The following NXF2 variants were observed in gnomAD, a reference collection of about 807,000 sequenced individuals.
NXF2 encodes the protein TAP-like protein 2.
Position 102,298,670 on chromosome X carries a change from G to A in NXF2, c.-53-8356G>A, listed in dbSNP as rs1934007291. Among the ~76,000 whole-genome samples, 4 of 111,764 alleles carry A rather than the reference G, an allele frequency of 3.6e-5. No individual in the cohort carries two copies. In the Admixed American group the frequency reaches 3.8e-4, roughly 11 times the overall value. ...GACTGATGATTAAATAAAGAGGGTGGTGGAGGAGGAGCGTTTGGCACTCAG... is the reference window on the plus strand; with the variant it reads ...GACTGATGATTAAATAAAGAGGGTGATGGAGGAGGAGCGTTTGGCACTCAG... On this transcript the variant is annotated intron_variant, in intron 2 of 22. Transcript: ENST00000625106.
At chrX:102,274,503 TTCTTCTTCTTCTTCTTCTTCC>T (rs1933886602) in intron 2 of NXF2, among the ~76,000 whole-genome samples, 5 of 3,194 alleles carry the variant, frequency 1.6e-3, no homozygotes, top group African/African-American at 2.4e-3. Flanking sequence ...CTTCTTCTTC[TTCTTCTTCTTCTTCTTCTTCC>T]TCTTCCTCTT....
intron 2 of NXF2, among the ~76,000 whole-genome samples, chrX:102,293,549 ATATATAT>A (rs1933978743): frequency 3.3e-5 from 1 of 30,657 alleles, no homozygotes; most frequent in Non-Finnish European, 6.4e-5. Context: ...ATATATATAT[ATATATAT>A]ATATATATAT....
At chrX:102,282,599 T>G (rs1212089657) in intron 2 of NXF2, among the ~76,000 whole-genome samples, 9 of 87,424 alleles carry the variant, frequency 1.0e-4, no homozygotes, top group Non-Finnish European at 2.0e-4. Flanking sequence ...GATGTTGAAT[T>G]TCGTTGAAAA....
intron 2 of NXF2, among the ~76,000 whole-genome samples, chrX:102,251,965 A>ATGTTTTGTTTTGTTTTGTTT (rs1233142733): frequency 9.9e-4 from 112 of 113,617 alleles, no homozygotes; most frequent in South Asian, 5.5e-3. Flanking sequence ...GGGTTCTGCC[A>ATGTTTTGTTTTGTTTTGTTT]TGTTTTGTTT....
intron 2 of NXF2, among the ~76,000 whole-genome samples, chrX:102,251,787 G>A (rs1259467822): frequency 1.3e-5 from 1 of 77,233 alleles, no homozygotes; most frequent in South Asian, 8.5e-4. Flanking sequence ...AGTTGTCTGC[G>A]ATATGTGCTG....
chrX:102,252,107 C>T (rs1933827571), intron 2 of NXF2, among the ~76,000 whole-genome samples: 1 of 83,426 alleles, frequency 1.2e-5, no homozygotes, highest in Admixed American at 1.4e-4. Flanking sequence ...ATTCTCCTGT[C>T]TCAGCCTCTC....
intron 2 of NXF2, among the ~76,000 whole-genome samples, chrX:102,251,954 G>A (rs1259562776): frequency 9.3e-6 from 1 of 106,952 alleles, no homozygotes; most frequent in Non-Finnish European, 1.9e-5. Context: ...TCCCTACAGT[G>A]GGGTTCTGCC....
intron 2 of NXF2, among the ~76,000 whole-genome samples, chrX:102,288,944 C>T (rs1184856409): frequency 6.2e-3 from 143 of 22,943 alleles, no homozygotes; most frequent in African/African-American, 0.031. Context: ...TAATTAGTGA[C>T]GGTGAGCATT....
At chrX:102,252,230 C>T (rs1433300202) in intron 2 of NXF2, among the ~76,000 whole-genome samples, 44 of 68,175 alleles carry the variant, frequency 6.5e-4, no homozygotes, top group Non-Finnish European at 1.1e-3. Context: ...GGACCTCAGG[C>T]GATCCACCCG....
chrX:102,248,741 G>A (rs1355432691), intron 2 of NXF2, among the ~76,000 whole-genome samples, 183 bp downstream of exon 2: 10 of 41,343 alleles, frequency 2.4e-4, no homozygotes, highest in Admixed American at 2.3e-3. Flanking sequence ...CTGGACAGAC[G>A]GAATCCACAG....
At chrX:102,282,274 T>TG (rs1187844817) in intron 2 of NXF2, among the ~76,000 whole-genome samples, 2 of 112,037 alleles carry the variant, frequency 1.8e-5, no homozygotes, top group Admixed American at 1.9e-4. Flanking sequence ...CTCCCTCTGT[T>TG]GGGGGGGCAT....
intron 2 of NXF2, among the ~76,000 whole-genome samples, chrX:102,294,139 A>G (rs1393686055): frequency 1.0e-5 from 1 of 98,279 alleles, no homozygotes; most frequent in Non-Finnish European, 2.0e-5. Context: ...ATGTATACAT[A>G]TGTAACAAAC....
At chrX:102,289,089 T>C (rs1933952953) in intron 2 of NXF2, among the ~76,000 whole-genome samples, 1 of 18,156 alleles carries the variant, frequency 5.5e-5, no homozygotes, top group Non-Finnish European at 8.9e-5. Flanking sequence ...TTTTATTGAG[T>C]TTCTTGTAGA....
intron 2 of NXF2, among the ~76,000 whole-genome samples, chrX:102,298,666 G>C (rs1387892628): frequency 1.8e-5 from 2 of 110,975 alleles, no homozygotes; most frequent in African/African-American, 6.5e-5. Flanking sequence ...AAATAAAGAG[G>C]GTGGTGGAGG....
At chrX:102,298,579 G>A (rs1245826761) in intron 2 of NXF2, among the ~76,000 whole-genome samples, 3 of 87,120 alleles carry the variant, frequency 3.4e-5, no homozygotes, top group East Asian at 4.4e-4. Context: ...AGTTGCTGCC[G>A]TAGCATGCAT....
Position 102,248,515 on chromosome X carries a change from T to C in NXF2, c.-97T>C, listed in dbSNP as rs1933809337. 1.1e-5 allele frequency: 1 copy of C among 88,019 alleles called. No individual in the cohort carries two copies. The highest frequency in any genetic ancestry group is 1.4e-4 in the Admixed American group (1 of 6,941). 7.3% of individuals were successfully genotyped at this position (88,019 alleles called of 1,213,427 possible). On this transcript the variant is annotated 5_prime_UTR_variant, in exon 2 of 23. Coordinates refer to ENST00000625106, the MANE Select transcript of NXF2 (RefSeq NM_022053.4). ...TCCAGGCTGACATTTCCTCAATCTT[T>C]ATTGGTCTTCCACAGCCCTGACACT...
At chrX:102,251,957 G>A (rs184896878) in intron 2 of NXF2, among the ~76,000 whole-genome samples, 94 of 114,245 alleles carry the variant, frequency 8.2e-4, no homozygotes, top group Non-Finnish European at 1.3e-3. Context: ...CTACAGTGGG[G>A]TTCTGCCATG....
chrX:102,252,072 A>C (rs1933826848), intron 2 of NXF2, among the ~76,000 whole-genome samples: 1 of 105,081 alleles, frequency 9.5e-6, no homozygotes, highest in South Asian at 4.3e-4. Flanking sequence ...GGCTCACTGC[A>C]ACCTCTGCCT....
chrX:102,289,747 T>C (rs1394881843), intron 2 of NXF2, among the ~76,000 whole-genome samples: 1 of 103,528 alleles, frequency 9.7e-6, no homozygotes, highest in East Asian at 2.8e-4. Context: ...TGTGGCATTA[T>C]TTCTGAGGGC....
Sources: gnomAD v4.1 joint callset for allele counts (sites outside exome capture counted in the v4.1 genomes callset) on GRCh38, gnomAD v4.1.1 for gene constraint, MANE v1.5 for transcripts, NCBI Gene and HGNC (gene_info 2026-07-23, HGNC 2026-07-21) for gene names.